ITM2C: variants seen among roughly 807,000 people sequenced by gnomAD.
The protein encoded by ITM2C is BRICHOS domain containing 2C.
In ITM2C, 20 loss-of-function variants were observed where a neutral mutation model predicts 30.0. The observed-to-expected ratio is 0.67, with a 90% CI of 0.47 to 0.97. The LOEUF is 0.97. Among genes scored for constraint, ITM2C ranks in the 50% least tolerant of loss-of-function variants. The pLI is 0.00. For synonymous variants in ITM2C, 167 were observed against 156.4 expected, an observed-to-expected ratio of 1.07 and a Z score of -0.51; for missense variants, 366 against 371.9, an observed-to-expected ratio of 0.98 and a Z score of 0.13.
At chr2:230,869,397 G>T (rs1167256568) in intron 1 of ITM2C, among the ~76,000 whole-genome samples, 1 of 152,164 alleles carries the variant, frequency 6.6e-6, no homozygotes, top group Admixed American at 6.5e-5. Flanking sequence ...GACAGTGTTT[G>T]CCCACTCTCC....
chr2:230,871,716 G>A (rs1377648427), intron 1 of ITM2C, among the ~76,000 whole-genome samples: 1 of 152,244 alleles, frequency 6.6e-6, no homozygotes, highest in Non-Finnish European at 1.5e-5. Flanking sequence ...TGAGTGTGAG[G>A]GTGCAGGACA....
In ITM2C at chr2:230,873,034, G is replaced by A. The variant is rs554971331; in HGVS notation, c.121-383G>A. Among the ~76,000 whole-genome samples, 60 of 152,250 alleles carry A rather than the reference G, an allele frequency of 3.9e-4. No individual in the cohort carries two copies. In the Middle Eastern group the frequency reaches 0.014, roughly 35 times the overall value. ...TAAGTCCCTAAAGTCACCGAGGCCA[G>A]GTCGGCACATCCCCTATCTTCTGTT... On this transcript the variant is annotated intron_variant, in intron 1 of 5. Coordinates refer to ENST00000326427, the MANE Select transcript of ITM2C (RefSeq NM_030926.6).
chr2:230,865,016 C>T lies in ITM2C; in HGVS notation c.-10C>T. On this transcript the variant is annotated 5_prime_UTR_variant, in exon 1 of 6. Transcript: ENST00000326427. This position sits in a 1 kb window ranked among gnomAD's most constrained non-coding sequence, Gnocchi z 6.8. Reference sequence around the variant, plus strand: ...GAGGCTGCGGGGCGGACGCGCGGGCCGGCGCAGCCATGGTGAAGATTAGCT... The same window carrying T: ...GAGGCTGCGGGGCGGACGCGCGGGCTGGCGCAGCCATGGTGAAGATTAGCT... 1.4e-6 allele frequency: 2 copies of T among 1,480,634 alleles called. No individual in the cohort carries two copies. The highest frequency in any genetic ancestry group is 1.8e-6 in the Non-Finnish European group (2 of 1,106,672). The allele number at this position is 1,480,634 out of a possible 1,614,324, so 91.7% of individuals were successfully genotyped here.
intron 1 of ITM2C, among the ~76,000 whole-genome samples, chr2:230,867,819 C>T (rs1004602775): frequency 3.3e-5 from 5 of 152,128 alleles, no homozygotes; most frequent in East Asian, 3.9e-4. Flanking sequence ...CCACCATGCC[C>T]GGCTAATTTT....
At chr2:230,864,879 G>A (rs1696983034), upstream of ITM2C, 2 of 1,023,128 alleles carry the variant, frequency 2.0e-6, no homozygotes, top group Non-Finnish European at 1.2e-6. The surrounding 1 kb of genome is among the most constrained non-coding windows in gnomAD (Gnocchi z 4.3). Flanking sequence ...CCGCGGGGAC[G>A]GGGCGGGGAG....
chr2:230,870,263 C>T (rs142649449), intron 1 of ITM2C, among the ~76,000 whole-genome samples: 2,311 of 152,332 alleles, frequency 0.015, 34 homozygotes, highest in Middle Eastern at 0.027. Context: ...GCAGAGGCAG[C>T]GCTGGGGCGG....
chr2:230,876,147 G>T (rs1459617739), intron 3 of ITM2C, among the ~76,000 whole-genome samples: 1 of 152,150 alleles, frequency 6.6e-6, no homozygotes, highest in Non-Finnish European at 1.5e-5. Flanking sequence ...GCGTATTCAT[G>T]TAACCCCCAT....
intron 1 of ITM2C, 174 bp from the exon 2 acceptor site, chr2:230,873,243 C>T (rs1431054375): frequency 7.4e-5 from 38 of 513,568 alleles, no homozygotes; most frequent in Admixed American, 2.4e-4. Flanking sequence ...TTAGCCAGGA[C>T]GAGTCCGGGT....
chr2:230,865,254 C>T lies in ITM2C; in HGVS notation c.120+109C>T. 1 of 1,164,580 alleles carries T rather than the reference C, an allele frequency of 8.6e-7. No individual in the cohort carries two copies. Among genetic ancestry groups the T allele is most frequent in the Non-Finnish European group, 1.1e-6 (1 of 906,888 alleles). 72.1% of individuals were successfully genotyped at this position (1,164,580 alleles called of 1,614,324 possible). A position where few individuals can be genotyped will look rare whatever the true frequency, so the allele number is the denominator to read the frequency against. ...CGAGGCGCGTCAGGGCCCCAGAGCC[C>T]GGGGTGGAGCAGGGTTGGGAAGTCT... On this transcript the variant is annotated intron_variant, in intron 1 of 5. Transcript: ENST00000326427. The surrounding 1 kb of genome is among the most constrained non-coding windows in gnomAD (Gnocchi z 6.8).
chr2:230,866,281 A>G (rs1308978523), intron 1 of ITM2C, among the ~76,000 whole-genome samples: 1 of 151,972 alleles, frequency 6.6e-6, no homozygotes, highest in Non-Finnish European at 1.5e-5. Context: ...CTGCTTCCCC[A>G]CTTCCAGATG....
At chr2:230,864,931 A>C, upstream of ITM2C, 1 of 1,271,750 alleles carries the variant, frequency 7.9e-7, no homozygotes, top group Non-Finnish European at 1.0e-6. This position sits in a 1 kb window ranked among gnomAD's most constrained non-coding sequence, Gnocchi z 4.3. Context: ...AGCGGGATCC[A>C]AACTTCCGGT....
chr2:230,867,400 G>T (rs1221464194), intron 1 of ITM2C, among the ~76,000 whole-genome samples: 1 of 152,160 alleles, frequency 6.6e-6, no homozygotes, highest in Non-Finnish European at 1.5e-5. Context: ...CCAGTTTCTG[G>T]CAAGGAGCCA....
chr2:230,865,006 A>G lies in ITM2C; in HGVS notation c.-20A>G. On this transcript the variant is annotated 5_prime_UTR_variant, in exon 1 of 6. Transcript: ENST00000326427. This position sits in a 1 kb window ranked among gnomAD's most constrained non-coding sequence, Gnocchi z 6.8. ...TGCACCGGCAGAGGCTGCGGGGCGG[A>G]CGCGCGGGCCGGCGCAGCCATGGTG... 1 of 1,456,554 alleles carries G rather than the reference A, an allele frequency of 6.9e-7. No individual in the cohort carries two copies. The highest frequency in any genetic ancestry group is 9.1e-7 in the Non-Finnish European group (1 of 1,093,238). The allele number at this position is 1,456,554 out of a possible 1,614,324, so 90.2% of individuals were successfully genotyped here.
upstream of ITM2C, chr2:230,864,777 C>A: frequency 4.3e-6 from 1 of 231,212 alleles, no homozygotes; most frequent in Non-Finnish European, 8.2e-6. The surrounding 1 kb of genome is among the most constrained non-coding windows in gnomAD (Gnocchi z 4.3). Flanking sequence ...AACTCCGACC[C>A]GCCCCAGGTG....
In ITM2C at chr2:230,878,992, C is replaced by T. The variant is rs750682419; in HGVS notation, c.*893C>T. 1.3e-5 allele frequency: 2 copies of T among 152,614 alleles called. No homozygotes were observed. Among genetic ancestry groups the T allele is most frequent in the African/African-American group, 2.4e-5 (1 of 41,442 alleles). The allele number at this position is 152,614 out of a possible 1,614,324, so 9.5% of individuals were successfully genotyped here. On this transcript the variant is annotated 3_prime_UTR_variant, in exon 6 of 6. Coordinates refer to ENST00000326427, the MANE Select transcript of ITM2C (RefSeq NM_030926.6). This position sits in a 1 kb window ranked among gnomAD's most constrained non-coding sequence, Gnocchi z 4.5. Reference sequence around the variant, plus strand: ...AAGGGAGAGCCACCTGGTACTTGTCCACCCTGCCTCCTCTGTTCTGAAATT... The same window carrying T: ...AAGGGAGAGCCACCTGGTACTTGTCTACCCTGCCTCCTCTGTTCTGAAATT...
chr2:230,871,272 G>A (rs907711233), intron 1 of ITM2C, among the ~76,000 whole-genome samples: 1 of 152,264 alleles, frequency 6.6e-6, no homozygotes, highest in Non-Finnish European at 1.5e-5. Context: ...AGCCTGGCCT[G>A]TGTCAGGGTC....
At position 230,873,552 on chromosome 2, in the gene ITM2C, G is replaced by A; in HGVS notation, c.256G>A (p.Ala86Thr). 1 of 1,604,814 alleles carries A rather than the reference G, an allele frequency of 6.2e-7. No individual in the cohort carries two copies. Among genetic ancestry groups the A allele is most frequent in the Non-Finnish European group, 8.5e-7 (1 of 1,176,358 alleles). ...CTACATCTACAGATACTTCTTCCTT[G>A]CGCAGGTGAGGGGCCGGGCCAGGTA... ...SVYIYRYFFLAQLARDNFFRC... is the reference protein window; with the variant it reads ...SVYIYRYFFLTQLARDNFFRC... The change falls in exon 2 of 6, where the codon GCG becomes ACG. Residue 86 changes from alanine to threonine, a missense_variant. By Grantham distance (58) the Ala-to-Thr change is moderately conservative (BLOSUM62 0). Coordinates refer to ENST00000326427, the MANE Select transcript of ITM2C (RefSeq NM_030926.6).
At chr2:230,869,914 G>A (rs763688627) in intron 1 of ITM2C, among the ~76,000 whole-genome samples, 4 of 152,220 alleles carry the variant, frequency 2.6e-5, no homozygotes, top group Non-Finnish European at 5.9e-5. Flanking sequence ...GAAACAATAT[G>A]CAATATTTTT....
intron 2 of ITM2C, among the ~76,000 whole-genome samples, chr2:230,875,055 G>T (rs910184004): frequency 6.6e-6 from 1 of 152,036 alleles, no homozygotes; most frequent in Non-Finnish European, 1.5e-5. Flanking sequence ...CACCCGCCGT[G>T]TTAGGCCCCT....
Sources: allele counts gnomAD v4.1 joint callset (sites outside exome capture counted in the v4.1 genomes callset), GRCh38; gene constraint gnomAD v4.1.1; non-coding constraint Gnocchi (gnomAD v3.1); transcripts MANE v1.5; gene names NCBI Gene and HGNC (gene_info 2026-07-23, HGNC 2026-07-21).